The following LRGUK variants were observed in gnomAD, a reference collection of about 807,000 sequenced individuals.
The protein encoded by LRGUK is leucine-rich repeat and guanylate kinase domain-containing protein.
In LRGUK, 65 loss-of-function variants were observed where a neutral mutation model predicts 76.0. That is an observed-to-expected ratio of 0.85 (90% confidence interval 0.70 to 1.05). The LOEUF is 1.05. Among genes scored for constraint, LRGUK ranks in the 50% least tolerant of loss-of-function variants. The probability of loss-of-function intolerance (pLI) is 0.00; values close to 1 mark genes in which losing one functional copy is unlikely to be tolerated. For synonymous variants in LRGUK, 268 were observed against 265.6 expected, an observed-to-expected ratio of 1.01 and a Z score of -0.09; for missense variants, 758 against 732.8, an observed-to-expected ratio of 1.03 and a Z score of -0.40.
intron 17 of LRGUK, among the ~76,000 whole-genome samples, chr7:134,248,446 C>T (rs535701626): frequency 6.6e-6 from 1 of 152,124 alleles, no homozygotes; most frequent in Non-Finnish European, 1.5e-5. Flanking sequence ...GATTCTTTTT[C>T]TTTCAAGTCA....
At chr7:134,178,946 A>AAACCAAAAAAAAAAAC (rs1304369033) in intron 10 of LRGUK, among the ~76,000 whole-genome samples, 4 of 150,182 alleles carry the variant, frequency 2.7e-5, no homozygotes, top group African/African-American at 7.3e-5. Flanking sequence ...AAAAAAAAAA[A>AAACCAAAAAAAAAAAC]AACCAGGACC....
chr7:134,132,192 T>A (rs991327048), intron 1 of LRGUK, among the ~76,000 whole-genome samples: 1 of 151,896 alleles, frequency 6.6e-6, no homozygotes, highest in Non-Finnish European at 1.5e-5. Context: ...ATAAAAGAAT[T>A]TTTAAAAAAT....
intron 10 of LRGUK, among the ~76,000 whole-genome samples, chr7:134,181,542 G>C (rs369974203): frequency 8.2e-6 from 1 of 121,722 alleles, no homozygotes; most frequent in African/African-American, 3.1e-5. Flanking sequence ...TTGTTTGTTT[G>C]TTTTAATTTC....
the LRGUK span, among the ~76,000 whole-genome samples, chr7:134,270,595 A>G: frequency 6.6e-6 from 1 of 152,112 alleles, no homozygotes; most frequent in Non-Finnish European, 1.5e-5. Context: ...CTAACAATAT[A>G]TACTGTTGTT....
chr7:134,209,820 T>C, exon 16 of LRGUK: 2 of 399,354 alleles, frequency 5.0e-6, no homozygotes, highest in Non-Finnish European at 8.8e-6. Flanking sequence ...AAACTCCCTC[T>C]TATCAGTCCC....
intron 19 of LRGUK, among the ~76,000 whole-genome samples, chr7:134,261,347 G>C (rs1026615977): frequency 1.3e-5 from 2 of 151,294 alleles, no homozygotes; most frequent in Non-Finnish European, 2.9e-5. Flanking sequence ...ATTTTGGTTT[G>C]GCCCTACATT....
At chr7:134,190,511 A>G (rs1486972847) in intron 11 of LRGUK, among the ~76,000 whole-genome samples, 1 of 152,244 alleles carries the variant, frequency 6.6e-6, no homozygotes, top group Non-Finnish European at 1.5e-5. Context: ...CCTGGCTCTC[A>G]TCTCCTATTT....
intron 7 of LRGUK, among the ~76,000 whole-genome samples, chr7:134,171,485 T>G (rs1241711876): frequency 6.6e-6 from 1 of 152,090 alleles, no homozygotes; most frequent in Non-Finnish European, 1.5e-5. Flanking sequence ...TATATAAGTT[T>G]TTTTTTAAAG....
chr7:134,259,553 A>G (rs1802668457), intron 19 of LRGUK, among the ~76,000 whole-genome samples: 1 of 152,150 alleles, frequency 6.6e-6, no homozygotes, highest in Non-Finnish European at 1.5e-5. Flanking sequence ...GACACAATAG[A>G]TACTGTCTCC....
At chr7:134,251,719 T>C (rs1294898948) in intron 18 of LRGUK, among the ~76,000 whole-genome samples, 2 of 152,204 alleles carry the variant, frequency 1.3e-5, no homozygotes, top group Non-Finnish European at 2.9e-5. Flanking sequence ...CGCTAAAAGA[T>C]GGAAGAACAT....
chr7:134,201,531 C>T (rs376456965), exon 15 of LRGUK: 1 of 1,613,680 alleles, frequency 6.2e-7, no homozygotes, highest in African/African-American at 1.3e-5. Flanking sequence ...TAGAGAATAC[C>T]TTGGATTGAC....
chr7:134,145,235 GTTTTCTTTTC>G (rs532174462), intron 4 of LRGUK, among the ~76,000 whole-genome samples: 1 of 151,896 alleles, frequency 6.6e-6, no homozygotes, highest in Admixed American at 6.6e-5. Flanking sequence ...CCTGGTGTAT[GTTTTCTTTTC>G]TTTTCTTTTC....
At chr7:134,230,299 G>T (rs768150330) in intron 16 of LRGUK, among the ~76,000 whole-genome samples, 1 of 151,966 alleles carries the variant, frequency 6.6e-6, no homozygotes, top group African/African-American at 2.4e-5. Flanking sequence ...AAATATAATC[G>T]CAATGAGATA....
chr7:134,139,725 A>G (rs1585421183), intron 3 of LRGUK, among the ~76,000 whole-genome samples: 1 of 152,330 alleles, frequency 6.6e-6, no homozygotes, highest in Middle Eastern at 3.4e-3. Context: ...TGTGGCTGAG[A>G]TGCAGTCAAT....
chr7:134,273,705 T>C, the LRGUK span, among the ~76,000 whole-genome samples: 1 of 152,198 alleles, frequency 6.6e-6, no homozygotes, highest in Admixed American at 6.5e-5. Flanking sequence ...TTAGAATTAC[T>C]AATTTGTTTG....
chr7:134,239,293 T>C (rs1394334890), intron 16 of LRGUK, among the ~76,000 whole-genome samples: 1 of 152,210 alleles, frequency 6.6e-6, no homozygotes, highest in African/African-American at 2.4e-5. Context: ...GGAATTCCCT[T>C]TCCTAGCAAA....
intron 4 of LRGUK, among the ~76,000 whole-genome samples, chr7:134,144,271 G>A (rs950767263): frequency 6.6e-6 from 1 of 152,148 alleles, no homozygotes; most frequent in Non-Finnish European, 1.5e-5. Context: ...GAGTAGCTGG[G>A]ACTACAGGCA....
chr7:134,189,241 A>G (rs996880238), intron 11 of LRGUK, among the ~76,000 whole-genome samples: 4 of 152,232 alleles, frequency 2.6e-5, no homozygotes, highest in Non-Finnish European at 5.9e-5. Flanking sequence ...AATAATGAAT[A>G]TGTGGAAAGA....
chr7:134,256,939 A>G (rs1170860701), intron 18 of LRGUK, among the ~76,000 whole-genome samples: 1 of 152,190 alleles, frequency 6.6e-6, no homozygotes, highest in Non-Finnish European at 1.5e-5. Context: ...GACTTGATAA[A>G]TGAGTGACAG....
Sources: allele counts gnomAD v4.1 joint callset (sites outside exome capture counted in the v4.1 genomes callset), GRCh38; gene constraint gnomAD v4.1.1; transcripts MANE v1.5; gene names NCBI Gene and HGNC (gene_info 2026-07-23, HGNC 2026-07-21).